The following DPYD variants were observed in gnomAD, a reference collection of about 807,000 sequenced individuals.
DPYD encodes dihydropyrimidine dehydrogenase.
Under a neutral mutation model 116.2 loss-of-function variants are expected in DPYD, and 109 were observed. That is an observed-to-expected ratio of 0.94 (90% CI 0.80 to 1.10). The LOEUF (loss-of-function observed/expected upper bound fraction) is 1.10, where lower values mean the gene tolerates loss of function less well. DPYD is among the 50% of genes least tolerant of loss of function. The pLI, the probability that DPYD is intolerant of heterozygous loss-of-function variation, is 0.00. For synonymous variants in DPYD, 440 were observed against 432.0 expected, an observed-to-expected ratio of 1.02 and a Z score of -0.23; for missense variants, 1,302 against 1,254.5, an observed-to-expected ratio of 1.04 and a Z score of -0.57.
chr1:97,161,835 C>T lies in DPYD; in HGVS notation c.2622+31234G>A, dbSNP rs1456341784. 6.8e-5 allele frequency among the ~76,000 whole-genome samples: 10 copies of T among 148,092 alleles called. No individual in the cohort carries two copies. The South Asian group carries it at 1.1e-3, about 16-fold the overall frequency. On this transcript the variant is annotated intron_variant, in intron 20 of 22. Coordinates refer to ENST00000370192, the MANE Select transcript of DPYD (RefSeq NM_000110.4). Reference sequence around the variant, plus strand: ...GAACATGGGGTGTTTGGTTTTTTGTCCTTGCGATAGTTTACTGAGAATGAT... The same window carrying T: ...GAACATGGGGTGTTTGGTTTTTTGTTCTTGCGATAGTTTACTGAGAATGAT...
intron 19 of DPYD, among the ~76,000 whole-genome samples, chr1:97,218,647 A>T: frequency 6.6e-6 from 1 of 151,742 alleles, no homozygotes; most frequent in East Asian, 1.9e-4. Context: ...TAGGAATGGG[A>T]CCTTTTCAAA....
chr1:97,506,773 T>G (rs1421453476), intron 13 of DPYD, among the ~76,000 whole-genome samples: 3 of 152,170 alleles, frequency 2.0e-5, no homozygotes, highest in Non-Finnish European at 4.4e-5. Context: ...TGCTTCATGG[T>G]TAAAAATATT....
At chr1:97,513,121 T>G (rs1020406787) in intron 13 of DPYD, among the ~76,000 whole-genome samples, 1 of 151,760 alleles carries the variant, frequency 6.6e-6, no homozygotes, top group African/African-American at 2.4e-5. Context: ...GTCAATGGTC[T>G]ATCGGTGCTA....
intron 7 of DPYD, among the ~76,000 whole-genome samples, chr1:97,681,222 C>T (rs1319428714): frequency 6.6e-6 from 1 of 152,074 alleles, no homozygotes; most frequent in East Asian, 1.9e-4. Context: ...AATTTCAGAG[C>T]CAACATGCAT....
intron 14 of DPYD, among the ~76,000 whole-genome samples, chr1:97,408,273 A>G (rs561158148): frequency 6.6e-6 from 1 of 152,288 alleles, no homozygotes; most frequent in South Asian, 2.1e-4. Context: ...AATACCACCT[A>G]CGACCACGTG....
At chr1:97,897,146 C>T (rs1415197833) in intron 1 of DPYD, among the ~76,000 whole-genome samples, 1 of 151,852 alleles carries the variant, frequency 6.6e-6, no homozygotes. Flanking sequence ...CTCTACTTTG[C>T]CCTGGTTTTT....
intron 18 of DPYD, among the ~76,000 whole-genome samples, chr1:97,287,055 T>C (rs374813196): frequency 1.3e-4 from 20 of 152,126 alleles, no homozygotes; most frequent in Non-Finnish European, 5.9e-5. Flanking sequence ...ATCTTTGTGG[T>C]TTTATCTACT....
chr1:97,605,835 A>G (rs1269008170), intron 8 of DPYD, among the ~76,000 whole-genome samples: 1 of 152,048 alleles, frequency 6.6e-6, no homozygotes, highest in Non-Finnish European at 1.5e-5. Context: ...TAAAGCTTAA[A>G]AAATCTATTA....
intron 8 of DPYD, among the ~76,000 whole-genome samples, chr1:97,658,981 T>A (rs1329475086): frequency 6.6e-6 from 1 of 152,098 alleles, no homozygotes; most frequent in African/African-American, 2.4e-5. Flanking sequence ...TGTTAACTCC[T>A]AATCATCTTT....
At chr1:97,260,169 T>C (rs1020376281) in intron 18 of DPYD, among the ~76,000 whole-genome samples, 1 of 152,128 alleles carries the variant, frequency 6.6e-6, no homozygotes, top group Non-Finnish European at 1.5e-5. Context: ...AGAATGGCAC[T>C]TGCTTGTAAA....
At chr1:97,080,050 C>G (rs752599630) in intron 22 of DPYD, among the ~76,000 whole-genome samples, 1 of 151,812 alleles carries the variant, frequency 6.6e-6, no homozygotes, top group Non-Finnish European at 1.5e-5. Context: ...AAGACCTCAG[C>G]GGAAGTTACA....
At chr1:97,685,599 T>C (rs1299869592) in intron 7 of DPYD, among the ~76,000 whole-genome samples, 2 of 152,118 alleles carry the variant, frequency 1.3e-5, no homozygotes, top group African/African-American at 4.8e-5. Context: ...GCCCCATTGA[T>C]CAGCCCAATA....
chr1:97,806,906 A>G (rs1668101919), intron 3 of DPYD, among the ~76,000 whole-genome samples: 1 of 151,978 alleles, frequency 6.6e-6, no homozygotes. Context: ...CATTTGGAAT[A>G]ATACAGTGTG....
chr1:97,382,758 T>C (rs1279275565), intron 14 of DPYD, among the ~76,000 whole-genome samples: 1 of 152,170 alleles, frequency 6.6e-6, no homozygotes, highest in Non-Finnish European at 1.5e-5. Context: ...AGGATTTTAC[T>C]GGCTTTGCCA....
intron 2 of DPYD, among the ~76,000 whole-genome samples, chr1:97,830,453 C>T (rs971332764): frequency 4.2e-4 from 64 of 152,116 alleles, no homozygotes; most frequent in African/African-American, 1.2e-3. Context: ...GTGGCTCATG[C>T]CTGTAATCCC....
intron 2 of DPYD, among the ~76,000 whole-genome samples, chr1:97,831,755 T>C (rs1669546068): frequency 6.6e-6 from 1 of 151,514 alleles, no homozygotes; most frequent in Admixed American, 6.6e-5. Context: ...AGAGAATGAA[T>C]GAACAAACTA....
At chr1:97,573,687 T>C (rs2102181214) in intron 11 of DPYD, 73 bp downstream of exon 11, 1 of 1,581,792 alleles carries the variant, frequency 6.3e-7, no homozygotes, top group Non-Finnish European at 8.7e-7. Context: ...AACAATTCCC[T>C]GAAAGCTAGA....
At chr1:97,541,109 A>G (rs1650420782) in intron 12 of DPYD, among the ~76,000 whole-genome samples, 1 of 152,168 alleles carries the variant, frequency 6.6e-6, no homozygotes, top group Admixed American at 6.5e-5. Context: ...GACACAAAAG[A>G]TGGCCAAGTA....
chr1:97,817,772 TA>T (rs1668705579), intron 3 of DPYD, among the ~76,000 whole-genome samples: 1 of 152,066 alleles, frequency 6.6e-6, no homozygotes, highest in Non-Finnish European at 1.5e-5. Context: ...GCAACTACAT[TA>T]AAATATGATA....
Sources: gnomAD v4.1 joint callset for allele counts (sites outside exome capture counted in the v4.1 genomes callset) on GRCh38, gnomAD v4.1.1 for gene constraint, MANE v1.5 for transcripts, NCBI Gene and HGNC (gene_info 2026-07-23, HGNC 2026-07-21) for gene names.